YARS1: variants seen among roughly 807,000 people sequenced by gnomAD.
YARS1 encodes the protein tyrosyl-tRNA synthetase 1.
A neutral mutation model predicts 62.2 loss-of-function variants in YARS1; 36 were observed. That is an observed-to-expected ratio of 0.58 (90% CI 0.44 to 0.76). YARS1 has a LOEUF of 0.76. YARS1 is among the 30% of genes least tolerant of loss of function. The probability of loss-of-function intolerance (pLI) is 0.00; values close to 1 mark genes in which losing one functional copy is unlikely to be tolerated. For missense variants in YARS1, 524 were observed against 639.8 expected (o/e 0.82, Z 1.95); for synonymous variants, 234 against 244.9 (o/e 0.96, Z 0.42).
intron 4 of YARS1, among the ~76,000 whole-genome samples, chr1:32,803,276 C>A (rs1280495205): frequency 2.0e-5 from 3 of 150,684 alleles, no homozygotes; most frequent in Non-Finnish European, 1.5e-5. Context: ...TCATGCCTGG[C>A]CTAATTCTTC....
intron 5 of YARS1, among the ~76,000 whole-genome samples, chr1:32,793,530 G>A (rs1653480427): frequency 6.6e-6 from 1 of 152,146 alleles, no homozygotes; most frequent in Non-Finnish European, 1.5e-5. Flanking sequence ...CATAGTCCCA[G>A]CTACTTGGGA....
chr1:32,805,213 C>G lies in YARS1; in HGVS notation c.510+1269G>C, dbSNP rs535145329. Among the ~76,000 whole-genome samples, 6 of 72,910 alleles carry G rather than the reference C, an allele frequency of 8.2e-5. No individual in the cohort carries two copies. The Admixed American group carries it at 8.6e-4, about 10-fold the overall frequency. 47.8% of individuals were successfully genotyped at this position (72,910 alleles called of 152,430 possible). On this transcript the variant is annotated intron_variant, in intron 4 of 12. Coordinates refer to ENST00000373477, the MANE Select transcript of YARS1 (RefSeq NM_003680.4). ...GCCTCGGCTCGGCATCAGAGGGAGACGGTGGAAAGGGGAGAGGGGGAGAGG... is the reference window on the plus strand; with the variant it reads ...GCCTCGGCTCGGCATCAGAGGGAGAGGGTGGAAAGGGGAGAGGGGGAGAGG...
At position 32,775,730 on chromosome 1, in the gene YARS1, GAA is replaced by G. The variant is rs1652833466; in HGVS notation, c.*249_*250del. The G allele has an allele frequency of 1.8e-6, 1 of 562,036 alleles. No individual in the cohort carries two copies. The highest frequency in any genetic ancestry group is 3.1e-5 in the Admixed American group (1 of 32,666). 34.8% of individuals were successfully genotyped at this position (562,036 alleles called of 1,614,324 possible). On this transcript the variant is annotated 3_prime_UTR_variant, in exon 13 of 13. Transcript: ENST00000373477. ...AACCAGATTTCTCCAGCTGCCAAGG[GAA>G]GAAGGTAGGGCTGGACTCCCTGCTG...
chr1:32,804,316 C>A (rs996494070), intron 4 of YARS1, among the ~76,000 whole-genome samples: 39 of 133,058 alleles, frequency 2.9e-4, no homozygotes, highest in Non-Finnish European at 5.3e-4. Flanking sequence ...ACGGGGCGGC[C>A]GGTCAGAGGC....
rs538189313 is a variant in YARS1, at chr1:32,809,032, C to T, written c.380+1559G>A. On this transcript the variant is annotated intron_variant, in intron 3 of 12. Transcript: ENST00000373477. ...AATGAATAAAATTTCAGGTACTCTA[C>T]GAAGGCTGTAGATTCAAAGATGTTC... 1.8e-4 allele frequency among the ~76,000 whole-genome samples: 27 copies of T among 152,128 alleles called. 1 individual carries two copies. Among genetic ancestry groups the T allele is most frequent in the South Asian group, 1.7e-3 (8 of 4,816 alleles).
chr1:32,808,034 T>C (rs1569772660), intron 3 of YARS1, among the ~76,000 whole-genome samples: 1 of 152,054 alleles, frequency 6.6e-6, no homozygotes, highest in East Asian at 1.9e-4. Context: ...GCCTCTCAAG[T>C]AGCTGGGATT....
At chr1:32,815,210 G>A (rs916816679) in intron 1 of YARS1, among the ~76,000 whole-genome samples, 22 of 152,050 alleles carry the variant, frequency 1.4e-4, no homozygotes, top group Admixed American at 6.6e-4. Flanking sequence ...TTAGCCCGGC[G>A]TGGTGGTGCA....
chr1:32,797,035 TATATATATATATATAG>T (rs1242872543), intron 5 of YARS1, among the ~76,000 whole-genome samples: 7 of 61,254 alleles, frequency 1.1e-4, no homozygotes, highest in African/African-American at 5.0e-4. Flanking sequence ...TATATATATA[TATATATATATATATAG>T]TAAGCATTTC....
chr1:32,809,854 C>T (rs988230395), intron 3 of YARS1, among the ~76,000 whole-genome samples: 1 of 152,012 alleles, frequency 6.6e-6, no homozygotes. Context: ...GCCTATAATC[C>T]CAGCACTTTG....
intron 10 of YARS1, chr1:32,780,559 T>C (rs564640163): frequency 1.4e-5 from 7 of 506,500 alleles, no homozygotes; most frequent in African/African-American, 3.9e-5. Flanking sequence ...AGCACCAGCA[T>C]TGATCTCAGG....
intron 4 of YARS1, among the ~76,000 whole-genome samples, chr1:32,804,506 A>C (rs1040247598): frequency 1.2e-4 from 18 of 146,976 alleles, no homozygotes; most frequent in African/African-American, 4.4e-4. Context: ...GGGGCTCCTC[A>C]CTTCTCAGAC....
chr1:32,802,922 C>T lies in YARS1; in HGVS notation c.510+3560G>A, dbSNP rs1638335223. 2.0e-5 allele frequency among the ~76,000 whole-genome samples: 3 copies of T among 151,848 alleles called. No homozygotes were observed. In the South Asian group the frequency reaches 6.2e-4, roughly 32 times the overall value. The stretch of plus-strand genomic sequence containing the variant: ...CTGCCTCCTGGGTATAAGTGATTCT[C>T]CTGCCTCAGCCTTCCGAGTAGCTGG... On this transcript the variant is annotated intron_variant, in intron 4 of 12. Coordinates refer to ENST00000373477, the MANE Select transcript of YARS1 (RefSeq NM_003680.4).
At chr1:32,794,053 TAAAAAAC>T (rs1317831178) in intron 5 of YARS1, among the ~76,000 whole-genome samples, 1 of 152,030 alleles carries the variant, frequency 6.6e-6, no homozygotes, top group Non-Finnish European at 1.5e-5. Flanking sequence ...AAAAGTGACT[TAAAAAAC>T]AATTACAGGC....
Position 32,780,215 on chromosome 1 carries a change from C to T in YARS1, c.1204G>A (p.Val402Met), listed in dbSNP as rs375192497. 6.2e-7 allele frequency: 1 copy of T among 1,614,202 alleles called. No individual in the cohort carries two copies. The highest frequency in any genetic ancestry group is 8.5e-7 in the Non-Finnish European group (1 of 1,180,048). Residue 402 changes from valine (V) to methionine (M), a missense_variant, in exon 11 of 13, where the codon GTG becomes ATG. Physicochemically the swap from Val to Met is conservative, Grantham distance 21. Transcript: ENST00000373477. ...IDVGEAEPRT[V>M]VSGLVQFVPK... ...ACGAACTGTACCAGGCCGCTCACCA[C>T]AGTCCGTGGTTCAGCTTCCCCCACG... is the stretch of plus-strand genomic sequence containing the variant.
chr1:32,786,272 G>T, intron 8 of YARS1, 90 bp downstream of exon 8: 2 of 1,316,082 alleles, frequency 1.5e-6, no homozygotes, highest in Non-Finnish European at 1.1e-6. Flanking sequence ...CTTTTACACA[G>T]AACAAGTTGT....
intron 1 of YARS1, among the ~76,000 whole-genome samples, chr1:32,815,111 C>T (rs556875196): frequency 2.6e-5 from 4 of 152,188 alleles, no homozygotes; most frequent in Non-Finnish European, 2.9e-5. Context: ...CACTTTGGGA[C>T]GCCGAATTTG....
intron 10 of YARS1, 170 bp from the exon 11 acceptor site, chr1:32,780,448 C>G (rs1016796818): frequency 2.8e-6 from 2 of 722,486 alleles, no homozygotes; most frequent in Admixed American, 4.3e-5. Context: ...AGAATGGGCT[C>G]TGATGGTATA....
intron 8 of YARS1, among the ~76,000 whole-genome samples, chr1:32,784,746 A>G (rs1653166194): frequency 6.6e-6 from 1 of 152,100 alleles, no homozygotes; most frequent in Admixed American, 6.6e-5. Flanking sequence ...ACATACACAC[A>G]TATGTTAAAA....
chr1:32,792,063 G>T (rs1013560999), intron 5 of YARS1, among the ~76,000 whole-genome samples: 1 of 152,134 alleles, frequency 6.6e-6, no homozygotes, highest in Non-Finnish European at 1.5e-5. Context: ...ATTCCCCACT[G>T]ATTTCTTGGC....
Sources: gnomAD v4.1 joint callset for allele counts (sites outside exome capture counted in the v4.1 genomes callset) on GRCh38, gnomAD v4.1.1 for gene constraint, MANE v1.5 for transcripts, NCBI Gene and HGNC (gene_info 2026-07-23, HGNC 2026-07-21) for gene names.